Variants in SHISA6 observed in about 807,000 individuals in gnomAD.
SHISA6 encodes protein shisa-6.
Under a neutral mutation model 47.9 loss-of-function variants are expected in SHISA6, and 22 were observed. The observed-to-expected ratio is 0.46, with a 90% CI of 0.33 to 0.66. The LOEUF (loss-of-function observed/expected upper bound fraction) is 0.66, where lower values mean the gene tolerates loss of function less well. SHISA6 is among the 30% of genes least tolerant of loss of function. SHISA6 has a pLI of 0.02. For missense variants in SHISA6, 680 were observed against 764.6 expected (o/e 0.89, Z 1.30); for synonymous variants, 388 against 337.8 (o/e 1.15, Z -1.63).
At chr17:11,289,010 A>G (rs1909425629) in intron 2 of SHISA6, 1 of 152,182 alleles carries the variant, frequency 6.6e-6, no homozygotes. Context: ...AACATGGTAA[A>G]ACATTTAACA....
chr17:11,320,433 G>T (rs1481915068), intron 2 of SHISA6, among the ~76,000 whole-genome samples: 1 of 152,116 alleles, frequency 6.6e-6, no homozygotes, highest in Non-Finnish European at 1.5e-5. Flanking sequence ...CCTGAGGCAG[G>T]TGGATCATGA....
intron 3 of SHISA6, among the ~76,000 whole-genome samples, chr17:11,423,285 A>C (rs1448098953): frequency 6.7e-6 from 1 of 148,532 alleles, no homozygotes; most frequent in East Asian, 2.0e-4. Flanking sequence ...TAACATATAT[A>C]TATGCCTGTA....
chr17:11,289,883 G>T (rs1193753428), intron 2 of SHISA6: 1 of 151,970 alleles, frequency 6.6e-6, no homozygotes, highest in Non-Finnish European at 1.5e-5. Context: ...ACCAGTTAGT[G>T]TACAAATTAG....
chr17:11,558,558 G>A lies in SHISA6; in HGVS notation c.*254G>A, dbSNP rs1429256023. On this transcript the variant is annotated 3_prime_UTR_variant, in exon 6 of 6. Coordinates refer to ENST00000441885, the MANE Select transcript of SHISA6 (RefSeq NM_207386.4). ...GAAGAATCAGTGGGGAGTGAGGAGG[G>A]GGCTAGGCCCCATTCTCACCCCCGA... 1.8e-6 allele frequency: 1 copy of A among 546,104 alleles called. No homozygotes were observed. Among genetic ancestry groups the A allele is most frequent in the Non-Finnish European group, 3.3e-6 (1 of 305,880 alleles). 33.8% of individuals were successfully genotyped at this position (546,104 alleles called of 1,614,324 possible). A position where few individuals can be genotyped will look rare whatever the true frequency, so the allele number is the denominator to read the frequency against.
intron 3 of SHISA6, among the ~76,000 whole-genome samples, chr17:11,436,044 T>C (rs890826958): frequency 6.6e-6 from 1 of 152,176 alleles, no homozygotes; most frequent in African/African-American, 2.4e-5. Context: ...CTTCTCAGGA[T>C]AGATGTTGAT....
chr17:11,429,139 C>T (rs2142288118), intron 3 of SHISA6, among the ~76,000 whole-genome samples: 1 of 152,254 alleles, frequency 6.6e-6, no homozygotes, highest in East Asian at 1.9e-4. Context: ...GATCCAGTTC[C>T]TTGTGGGCTG....
chr17:11,258,624 A>G (rs1908104524), intron 1 of SHISA6, among the ~76,000 whole-genome samples: 1 of 152,186 alleles, frequency 6.6e-6, no homozygotes, highest in East Asian at 1.9e-4. Context: ...GACTACTGGG[A>G]AATGCTTGGA....
At chr17:11,384,077 TGG>T in intron 3 of SHISA6, among the ~76,000 whole-genome samples, 1 of 152,330 alleles carries the variant, frequency 6.6e-6, no homozygotes, top group Middle Eastern at 3.4e-3. Flanking sequence ...AACCACCCTG[TGG>T]GAGAGCTCGT....
chr17:11,259,039 G>A (rs1415802750), intron 1 of SHISA6, among the ~76,000 whole-genome samples: 1 of 152,084 alleles, frequency 6.6e-6, no homozygotes, highest in Admixed American at 6.6e-5. Context: ...GTGTTTTATG[G>A]ATTGATGGAT....
At chr17:11,341,198 A>G (rs1597465989) in intron 2 of SHISA6, among the ~76,000 whole-genome samples, 1 of 152,308 alleles carries the variant, frequency 6.6e-6, no homozygotes, top group Admixed American at 6.5e-5. Context: ...CAGTTCCACC[A>G]TTCTACAGTG....
At chr17:11,458,633 A>C (rs193236453) in intron 3 of SHISA6, among the ~76,000 whole-genome samples, 1 of 152,280 alleles carries the variant, frequency 6.6e-6, no homozygotes, top group Admixed American at 6.5e-5. Context: ...AGGCTGAGCC[A>C]GGCCCCCTTA....
intron 1 of SHISA6, among the ~76,000 whole-genome samples, chr17:11,246,210 G>A (rs1375575900): frequency 2.0e-5 from 3 of 152,092 alleles, no homozygotes; most frequent in South Asian, 2.1e-4. Flanking sequence ...AAAATGCTTC[G>A]CCGGGTGCGG....
intron 3 of SHISA6, among the ~76,000 whole-genome samples, chr17:11,515,548 G>T (rs1005478116): frequency 5.3e-5 from 8 of 152,128 alleles, no homozygotes; most frequent in Non-Finnish European, 1.0e-4. Context: ...GGGCAGGGTA[G>T]AAAGCTAAGC....
chr17:11,507,846 C>T (rs931209459), intron 3 of SHISA6, among the ~76,000 whole-genome samples: 1 of 152,204 alleles, frequency 6.6e-6, no homozygotes, highest in South Asian at 2.1e-4. Context: ...ACATCCTCAT[C>T]CTTTGTGTAT....
At chr17:11,342,789 C>T (rs1055238588) in intron 2 of SHISA6, among the ~76,000 whole-genome samples, 10 of 152,186 alleles carry the variant, frequency 6.6e-5, no homozygotes, top group Non-Finnish European at 1.5e-4. Context: ...AGAAGTTCAA[C>T]TTGTCAGAAG....
chr17:11,516,804 C>A (rs1371103757), intron 3 of SHISA6, among the ~76,000 whole-genome samples: 2 of 152,176 alleles, frequency 1.3e-5, no homozygotes, highest in Non-Finnish European at 2.9e-5. Flanking sequence ...ATAGTCTCTG[C>A]AGTGACTTCT....
chr17:11,294,136 G>A (rs181457371), intron 2 of SHISA6, among the ~76,000 whole-genome samples: 1 of 151,926 alleles, frequency 6.6e-6, no homozygotes, highest in African/African-American at 2.4e-5. Flanking sequence ...CACTCACCTC[G>A]GCCTCCCAGA....
chr17:11,415,626 A>G (rs1914257764), intron 3 of SHISA6, among the ~76,000 whole-genome samples: 1 of 152,214 alleles, frequency 6.6e-6, no homozygotes, highest in Admixed American at 6.5e-5. Flanking sequence ...TGTAAACAAG[A>G]TCTTTATTAA....
chr17:11,386,244 G>A (rs112581867), intron 3 of SHISA6, among the ~76,000 whole-genome samples: 11,277 of 152,226 alleles, frequency 0.074, 512 homozygotes, highest in Non-Finnish European at 0.1. Flanking sequence ...GTGTGGTGGT[G>A]CACACCTGTA....
Sources: gnomAD v4.1 joint callset for allele counts (sites outside exome capture counted in the v4.1 genomes callset) on GRCh38, gnomAD v4.1.1 for gene constraint, MANE v1.5 for transcripts, NCBI Gene and HGNC (gene_info 2026-07-23, HGNC 2026-07-21) for gene names.